Variants in PIAS1 observed in about 807,000 individuals in gnomAD.
PIAS1 encodes protein inhibitor of activated STAT 1, also known as E3 SUMO-protein ligase PIAS1.
In PIAS1, 6 loss-of-function variants were observed where a neutral mutation model predicts 71.3. That is an observed-to-expected ratio of 0.08 (90% CI 0.05 to 0.17). The LOEUF (loss-of-function observed/expected upper bound fraction) is 0.17. PIAS1 is among the 10% of genes least tolerant of loss of function. The pLI, the probability that PIAS1 is intolerant of heterozygous loss-of-function variation, is 1.00. For missense variants in PIAS1, 555 were observed against 793.6 expected, an observed-to-expected ratio of 0.70 and a Z score of 3.61; for synonymous variants, 303 against 292.9, an observed-to-expected ratio of 1.03 and a Z score of -0.35.
In PIAS1 at chr15:68,173,862, A is replaced by C; in HGVS notation, c.1139A>C (p.Lys380Thr). The C allele has an allele frequency of 6.3e-7, 1 of 1,582,750 alleles. No homozygotes were observed. The highest frequency in any genetic ancestry group is 8.6e-7 in the Non-Finnish European group (1 of 1,158,774). Residue 380 changes from lysine to threonine, a missense_variant, in exon 9 of 14, where the codon AAG becomes ACG. Lys to Thr is a moderately conservative substitution (Grantham distance 78). This residue lies in a region of PIAS1 where 49 missense variants were observed against 129.2 expected (regional missense o/e 0.38). Transcript: ENST00000249636. This position sits in a 1 kb window ranked among gnomAD's most constrained non-coding sequence, Gnocchi z 4.3. ...TGGGTTTGTCCTGTCTGTGATAAGAAGGCTCCATATGAACACCTTATTATT... is the reference window on the plus strand; with the variant it reads ...TGGGTTTGTCCTGTCTGTGATAAGACGGCTCCATATGAACACCTTATTATT... ...PTWVCPVCDK[K>T]APYEHLIIDG...
intron 1 of PIAS1, chr15:68,055,224 T>A: frequency 2.0e-6 from 2 of 985,018 alleles, no homozygotes; most frequent in Non-Finnish European, 2.4e-6. Context: ...ATGCTGTAGC[T>A]GATGGAGGTG....
At chr15:68,146,034 T>C (rs2092805444) in intron 5 of PIAS1, 128 bp downstream of exon 5, 1 of 639,044 alleles carries the variant, frequency 1.6e-6, no homozygotes, top group African/African-American at 1.8e-5. Context: ...ATTCATTGAC[T>C]GGGTGAAACA....
intron 2 of PIAS1, among the ~76,000 whole-genome samples, chr15:68,110,550 C>G (rs532655247): frequency 1.3e-5 from 2 of 151,920 alleles, no homozygotes; most frequent in African/African-American, 2.4e-5. Flanking sequence ...GAGGCAAGAT[C>G]GCACCATTGC....
At chr15:68,087,763 A>T in intron 2 of PIAS1, 1 of 326,602 alleles carries the variant, frequency 3.1e-6, no homozygotes, top group South Asian at 2.3e-5. Flanking sequence ...ATTTTTTGCG[A>T]ATTTTTGAGA....
intron 11 of PIAS1, among the ~76,000 whole-genome samples, chr15:68,179,369 A>T (rs2058937056): frequency 6.6e-6 from 1 of 152,096 alleles, no homozygotes; most frequent in Non-Finnish European, 1.5e-5. Flanking sequence ...AGACATTGTG[A>T]GAAGACTCAG....
At chr15:68,097,073 GT>G (rs1027188455) in intron 2 of PIAS1, among the ~76,000 whole-genome samples, 11 of 152,100 alleles carry the variant, frequency 7.2e-5, no homozygotes, top group African/African-American at 2.7e-4. Context: ...TGTTGAGATA[GT>G]TTCCTTCCAT....
chr15:68,166,717 A>G (rs550310358), intron 8 of PIAS1, among the ~76,000 whole-genome samples: 1 of 152,382 alleles, frequency 6.6e-6, no homozygotes, highest in South Asian at 2.1e-4. Flanking sequence ...TAAGCACAGT[A>G]ATATAAATCT....
chr15:68,182,461 TCGGAGTTTTGCTCTTATTGCTCAGGCTGC>T (rs2093060240), intron 12 of PIAS1, among the ~76,000 whole-genome samples: 17 of 126,604 alleles, frequency 1.3e-4, no homozygotes, highest in Admixed American at 4.0e-4. Flanking sequence ...TGTGTGTGTG[TCGGAGTTTTGCTCTTATTGCTCAGGCTGC>T]GTGTGTGTGT....
chr15:68,157,261 T>TA, intron 7 of PIAS1, among the ~76,000 whole-genome samples: 1 of 152,332 alleles, frequency 6.6e-6, no homozygotes, highest in South Asian at 2.1e-4. Flanking sequence ...GGCTCCCTCA[T>TA]ATATCTGCTC....
At chr15:68,105,203 C>G (rs2092458281) in intron 2 of PIAS1, among the ~76,000 whole-genome samples, 1 of 152,116 alleles carries the variant, frequency 6.6e-6, no homozygotes, top group Non-Finnish European at 1.5e-5. Flanking sequence ...TTCCTCTTAG[C>G]AGAGATAATA....
intron 2 of PIAS1, among the ~76,000 whole-genome samples, chr15:68,117,806 A>C (rs899063219): frequency 6.6e-6 from 1 of 152,248 alleles, no homozygotes; most frequent in African/African-American, 2.4e-5. Flanking sequence ...GAGTAGTGCC[A>C]CAATAAACAT....
At chr15:68,120,742 C>T (rs1437699707) in intron 2 of PIAS1, among the ~76,000 whole-genome samples, 2 of 152,156 alleles carry the variant, frequency 1.3e-5, no homozygotes, top group South Asian at 4.1e-4. Context: ...GCAACCTCCA[C>T]CTCCCGAATT....
chr15:68,075,083 T>C (rs1366758103), intron 1 of PIAS1, among the ~76,000 whole-genome samples: 833 of 134,426 alleles, frequency 6.2e-3, no homozygotes, highest in East Asian at 0.027. Flanking sequence ...TCTTTCTTTT[T>C]TTTTTTTTTT....
Position 68,089,852 on chromosome 15 carries a change from G to A in PIAS1, c.469+3102G>A, listed in dbSNP as rs528712466. 2.0e-4 allele frequency among the ~76,000 whole-genome samples: 29 copies of A among 148,518 alleles called. No homozygotes were observed. In the East Asian group the frequency reaches 3.4e-3, roughly 18 times the overall value. On this transcript the variant is annotated intron_variant, in intron 2 of 13. Transcript: ENST00000249636. ...ATTACAGGTGTGAGCCACTGCACCC[G>A]GCCTCATAACATTTATTTTTTAAAT...
chr15:68,115,131 T>C (rs1423931068), intron 2 of PIAS1, among the ~76,000 whole-genome samples: 1 of 152,102 alleles, frequency 6.6e-6, no homozygotes, highest in Admixed American at 6.6e-5. Flanking sequence ...TTTTTACCCT[T>C]AATGAAGGAC....
intron 8 of PIAS1, 135 bp downstream of exon 8, chr15:68,164,939 A>G (rs2092947777): frequency 1.8e-6 from 1 of 568,496 alleles, no homozygotes; most frequent in Non-Finnish European, 3.1e-6. Context: ...TGAAAAGTGG[A>G]AAGACATCTA....
rs1328109181 is a variant in PIAS1, at chr15:68,135,468, G to A, written c.470-6478G>A. 1.8e-4 allele frequency among the ~76,000 whole-genome samples: 3 copies of A among 17,102 alleles called. 1 individual carries two copies. The highest frequency in any genetic ancestry group is 5.5e-4 in the Non-Finnish European group (2 of 3,610). 11.2% of individuals were successfully genotyped at this position (17,102 alleles called of 152,430 possible). A position where few individuals can be genotyped will look rare whatever the true frequency, so the allele number is the denominator to read the frequency against. ...TGGGCAGAGGCGCCCCCCACCCCCC[G>A]GACGGGGCGGCTGGCCGGGGGGGGC... On this transcript the variant is annotated intron_variant, in intron 2 of 13. Coordinates refer to ENST00000249636, the MANE Select transcript of PIAS1 (RefSeq NM_016166.3).
chr15:68,074,469 A>G (rs2092135775), intron 1 of PIAS1, among the ~76,000 whole-genome samples: 1 of 152,196 alleles, frequency 6.6e-6, no homozygotes, highest in African/African-American at 2.4e-5. Flanking sequence ...GAAGTAAAAT[A>G]ACTTTTATTT....
At chr15:68,073,464 A>G (rs1384523556) in intron 1 of PIAS1, among the ~76,000 whole-genome samples, 2 of 152,252 alleles carry the variant, frequency 1.3e-5, no homozygotes, top group Non-Finnish European at 2.9e-5. Flanking sequence ...AGAATTGACA[A>G]GTAAACAGGG....
Sources: gnomAD v4.1 joint callset for allele counts (sites outside exome capture counted in the v4.1 genomes callset) on GRCh38, gnomAD v4.1.1 for gene constraint, gnomAD v4.1.1 regional missense constraint, Gnocchi (gnomAD v3.1) non-coding constraint, MANE v1.5 for transcripts, NCBI Gene and HGNC (gene_info 2026-07-23, HGNC 2026-07-21) for gene names.